DCAF8L2: variants seen among roughly 807,000 people sequenced by gnomAD.
The protein encoded by DCAF8L2 is DDB1- and CUL4-associated factor 8-like protein 2.
For missense variants in DCAF8L2, 430 were observed against 490.7 expected (o/e 0.88, Z 1.17); for synonymous variants, 200 against 190.9 (o/e 1.05, Z -0.39).
At chrX:27,642,237 G>T (rs1352376852) in intron 2 of DCAF8L2, among the ~76,000 whole-genome samples, 1 of 110,477 alleles carries the variant, frequency 9.1e-6, no homozygotes, top group Non-Finnish European at 1.9e-5. Flanking sequence ...TTTTTCCTCC[G>T]AGGTTTGATC....
chrX:27,515,386 C>T, the DCAF8L2 span, among the ~76,000 whole-genome samples: 1 of 111,715 alleles, frequency 9.0e-6, no homozygotes, highest in Non-Finnish European at 1.9e-5. Flanking sequence ...TTTGAAAATC[C>T]ATATTGCAAT....
chrX:27,609,449 G>A (rs1232715117), intron 1 of DCAF8L2, among the ~76,000 whole-genome samples: 4 of 111,394 alleles, frequency 3.6e-5, no homozygotes, highest in African/African-American at 3.3e-5. Context: ...TGAAAATTCT[G>A]GCTACATTTC....
the DCAF8L2 span, among the ~76,000 whole-genome samples, chrX:27,585,163 C>A: frequency 0.076 from 8,437 of 110,986 alleles, 298 homozygotes; most frequent in Non-Finnish European, 0.11. Flanking sequence ...CATGCCAAAT[C>A]TAGCTCTTAC....
intron 4 of DCAF8L2, among the ~76,000 whole-genome samples, chrX:27,737,144 C>A (rs989905322): frequency 9.0e-6 from 1 of 111,501 alleles, no homozygotes; most frequent in Non-Finnish European, 1.9e-5. Flanking sequence ...TCTAGTACGG[C>A]AAATATAAAT....
the DCAF8L2 span, among the ~76,000 whole-genome samples, chrX:27,548,903 C>T: frequency 3.6e-5 from 4 of 111,664 alleles, no homozygotes; most frequent in Non-Finnish European, 7.5e-5. Context: ...AGTCAGCTTT[C>T]GGGGCTTAAT....
intron 2 of DCAF8L2, among the ~76,000 whole-genome samples, chrX:27,662,251 A>G (rs1929584605): frequency 9.0e-6 from 1 of 111,470 alleles, no homozygotes; most frequent in African/African-American, 3.3e-5. Flanking sequence ...GAAGTTATCC[A>G]TAGGGATAAA....
At chrX:27,514,827 T>C in the DCAF8L2 span, among the ~76,000 whole-genome samples, 121 of 110,573 alleles carry the variant, frequency 1.1e-3, 1 homozygote, top group African/African-American at 3.9e-3. Flanking sequence ...ATGTGGAATC[T>C]AAAAAGGCTG....
chrX:27,519,497 CT>C, the DCAF8L2 span: 3 of 940,508 alleles, frequency 3.2e-6, no homozygotes, highest in Non-Finnish European at 4.6e-6. Context: ...CAACACAAAG[CT>C]TTTGCAACCC....
the DCAF8L2 span, among the ~76,000 whole-genome samples, chrX:27,516,412 G>T: frequency 1.8e-3 from 195 of 108,394 alleles, no homozygotes; most frequent in African/African-American, 6.1e-3. Context: ...TCATATCAAG[G>T]TACAGACATT....
chrX:27,512,801 A>AACC, the DCAF8L2 span, among the ~76,000 whole-genome samples: 2 of 88,651 alleles, frequency 2.3e-5, no homozygotes, highest in African/African-American at 4.7e-5. Flanking sequence ...AAAAAAAAAA[A>AACC]AAAAAAAAAC....
At chrX:27,592,600 A>G (rs1926163076) in intron 1 of DCAF8L2, among the ~76,000 whole-genome samples, 1 of 107,241 alleles carries the variant, frequency 9.3e-6, no homozygotes, top group African/African-American at 3.4e-5. Flanking sequence ...CCATGACAGG[A>G]TAATTTTTTT....
the DCAF8L2 span, among the ~76,000 whole-genome samples, chrX:27,568,204 AT>A: frequency 3.6e-5 from 4 of 110,550 alleles, no homozygotes; most frequent in Non-Finnish European, 5.7e-5. Flanking sequence ...ATAACCTAAA[AT>A]TTTTTTTTGG....
intron 2 of DCAF8L2, among the ~76,000 whole-genome samples, chrX:27,637,141 C>T (rs1928534443): frequency 8.9e-6 from 1 of 111,829 alleles, no homozygotes; most frequent in Non-Finnish European, 1.9e-5. Context: ...GAGTCATATG[C>T]AGAGCTTAAT....
At chrX:27,481,038 A>G in the DCAF8L2 span, among the ~76,000 whole-genome samples, 1 of 111,783 alleles carries the variant, frequency 8.9e-6, no homozygotes, top group African/African-American at 3.3e-5. Flanking sequence ...GCATGAGAAG[A>G]AGTACATAAT....
intron 4 of DCAF8L2, among the ~76,000 whole-genome samples, chrX:27,742,482 T>C (rs1238119663): frequency 9.2e-6 from 1 of 108,594 alleles, no homozygotes; most frequent in Non-Finnish European, 1.9e-5. Context: ...GGCAGGAGAA[T>C]CGCTTGAACC....
intron 2 of DCAF8L2, among the ~76,000 whole-genome samples, chrX:27,640,658 A>C (rs1242764439): frequency 1.8e-5 from 2 of 112,007 alleles, no homozygotes; most frequent in African/African-American, 6.5e-5. Flanking sequence ...AAACTACTAA[A>C]GTATTTTCCA....
chrX:27,474,967 G>A, the DCAF8L2 span, among the ~76,000 whole-genome samples: 1 of 111,246 alleles, frequency 9.0e-6, no homozygotes, highest in South Asian at 3.8e-4. Context: ...TGGAAGAGGG[G>A]CTGCTCTAAG....
At chrX:27,659,633 T>C (rs1358550516) in intron 2 of DCAF8L2, among the ~76,000 whole-genome samples, 1 of 111,575 alleles carries the variant, frequency 9.0e-6, no homozygotes, top group Non-Finnish European at 1.9e-5. Context: ...CATTTTTTTT[T>C]CCTATTTTGT....
the DCAF8L2 span, among the ~76,000 whole-genome samples, chrX:27,494,034 G>A: frequency 9.0e-6 from 1 of 111,350 alleles, no homozygotes; most frequent in East Asian, 2.8e-4. Context: ...CCACTTTTTG[G>A]TTACTACATA....
Sources: allele counts gnomAD v4.1 joint callset (sites outside exome capture counted in the v4.1 genomes callset), GRCh38; gene constraint gnomAD v4.1.1; transcripts MANE v1.5; gene names NCBI Gene and HGNC (gene_info 2026-07-23, HGNC 2026-07-21).